ZSCAN25: variants seen among roughly 807,000 people sequenced by gnomAD.
ZSCAN25 encodes zinc finger and SCAN domain-containing protein 25.
ZSCAN25 carries 27 observed loss-of-function variants against 38.7 expected under a neutral mutation model. The observed-to-expected ratio is 0.70, with a 90% CI of 0.51 to 0.96. The LOEUF is 0.96. ZSCAN25 is among the 40% of genes least tolerant of loss of function. The probability of loss-of-function intolerance (pLI) is 0.00; values close to 1 mark genes in which losing one functional copy is unlikely to be tolerated. For missense variants in ZSCAN25, 637 were observed against 705.9 expected, an observed-to-expected ratio of 0.90 and a Z score of 1.11; for synonymous variants, 273 against 277.7, an observed-to-expected ratio of 0.98 and a Z score of 0.17.
chr7:99,688,129 C>T, the ZSCAN25 span, among the ~76,000 whole-genome samples: 1 of 152,154 alleles, frequency 6.6e-6, no homozygotes, highest in South Asian at 2.1e-4. Context: ...AGCAAAATAA[C>T]CAGCTAACAT....
chr7:99,670,366 A>C, the ZSCAN25 span, among the ~76,000 whole-genome samples: 5 of 152,202 alleles, frequency 3.3e-5, no homozygotes, highest in African/African-American at 1.2e-4. Context: ...AAATTATGGC[A>C]AGCTCAAATT....
At chr7:99,665,042 T>A in the ZSCAN25 span, 1 of 944,612 alleles carries the variant, frequency 1.1e-6, no homozygotes, top group African/African-American at 1.7e-5. Flanking sequence ...GTCATACATA[T>A]TTTTGATTAT....
At position 99,630,016 on chromosome 7, in the gene ZSCAN25, A is replaced by G. The variant is rs749506963; in HGVS notation, c.1631A>G (p.Gln544Arg). 6 of 1,548,274 alleles carry G rather than the reference A, an allele frequency of 3.9e-6. 1 individual carries two copies. The South Asian group carries it at 7.3e-5, about 19-fold the overall frequency. The change falls in exon 8 of 8, where the codon CAG (glutamine) becomes CGG (arginine). Residue 544 changes from glutamine to arginine, a missense_variant. Coordinates refer to ENST00000394152, the MANE Select transcript of ZSCAN25 (RefSeq NM_145115.3). ...CAGCACCGCCAGGAGCCGCTGGTGC[A>G]GTGAGCATAGCAGGTGGCAGGCAGC... ...KTQHRQEPLV[Q>R]
downstream of ZSCAN25, among the ~76,000 whole-genome samples, chr7:99,634,667 G>C (rs1424185753): frequency 1.3e-5 from 2 of 152,132 alleles, no homozygotes; most frequent in East Asian, 3.9e-4. Flanking sequence ...CATGGTGGTG[G>C]GCACCTGTAG....
chr7:99,680,090 G>A, the ZSCAN25 span: 1 of 586,928 alleles, frequency 1.7e-6, no homozygotes, highest in South Asian at 2.0e-5. Context: ...ACACCCCTTT[G>A]CTGACCTCTT....
At position 99,620,079 on chromosome 7, in the gene ZSCAN25, G is replaced by T. The variant is rs1049883491; in HGVS notation, c.387+86G>T. 8 of 1,456,574 alleles carry T rather than the reference G, an allele frequency of 5.5e-6. No individual in the cohort carries two copies. In the African/African-American group the frequency reaches 1.1e-4, roughly 21 times the overall value. The allele number at this position is 1,456,574 out of a possible 1,614,324, so 90.2% of individuals were successfully genotyped here. A position where few individuals can be genotyped will look rare whatever the true frequency, so the allele number is the denominator to read the frequency against. On this transcript the variant is annotated intron_variant, in intron 4 of 7. Coordinates refer to ENST00000394152, the MANE Select transcript of ZSCAN25 (RefSeq NM_145115.3). ...CCAAAGATTTGAGGAAGCAGTAGGAGTGGACGAGGTGTGGAGCCGCCCTCC... is the reference window on the plus strand; with the variant it reads ...CCAAAGATTTGAGGAAGCAGTAGGATTGGACGAGGTGTGGAGCCGCCCTCC...
the ZSCAN25 span, among the ~76,000 whole-genome samples, chr7:99,724,000 C>T: frequency 6.6e-6 from 1 of 152,170 alleles, no homozygotes. Context: ...CAAGTACCAC[C>T]TCCCCTGGGT....
At chr7:99,709,169 A>C in the ZSCAN25 span, 9 of 1,614,000 alleles carry the variant, frequency 5.6e-6, no homozygotes, top group Non-Finnish European at 7.6e-6. Flanking sequence ...AGACCCTCTC[A>C]AGTCTCATAG....
At chr7:99,660,414 AT>A in the ZSCAN25 span, 1 of 1,492,400 alleles carries the variant, frequency 6.7e-7, no homozygotes, top group Non-Finnish European at 8.9e-7. Flanking sequence ...TATGCTTTTT[AT>A]AAAAATTCTC....
At chr7:99,664,213 C>T in the ZSCAN25 span, 3 of 917,012 alleles carry the variant, frequency 3.3e-6, no homozygotes, top group Non-Finnish European at 5.0e-6. Context: ...TCAACTGGAA[C>T]CCATTCCTTT....
At chr7:99,645,268 C>A in the ZSCAN25 span, among the ~76,000 whole-genome samples, 1 of 152,156 alleles carries the variant, frequency 6.6e-6, no homozygotes, top group Admixed American at 6.5e-5. Flanking sequence ...GGATTACAGG[C>A]GTGAGCCACT....
chr7:99,718,925 A>G, the ZSCAN25 span, among the ~76,000 whole-genome samples: 3 of 152,338 alleles, frequency 2.0e-5, no homozygotes, highest in East Asian at 3.9e-4. Flanking sequence ...AAAATGAAAT[A>G]CTTTAGCTGT....
chr7:99,678,787 G>T, the ZSCAN25 span, among the ~76,000 whole-genome samples: 235 of 152,340 alleles, frequency 1.5e-3, no homozygotes, highest in African/African-American at 5.2e-3. Flanking sequence ...GAATTAAAAT[G>T]AGGTTTATAG....
the ZSCAN25 span, among the ~76,000 whole-genome samples, chr7:99,686,656 T>C: frequency 6.6e-6 from 1 of 151,806 alleles, no homozygotes; most frequent in Admixed American, 6.6e-5. Flanking sequence ...TTGAAGAGAG[T>C]AGTCATTCTC....
rs1191720924 is a variant in ZSCAN25, at chr7:99,622,594, C to G, written c.635C>G (p.Pro212Arg). 5.6e-6 allele frequency: 9 copies of G among 1,614,148 alleles called. No individual in the cohort carries two copies. Among genetic ancestry groups the G allele is most frequent in the Non-Finnish European group, 7.6e-6 (9 of 1,180,018 alleles). Residue 212 changes from proline (P) to arginine (R), a missense_variant, in exon 6 of 8, where the codon CCC (proline) becomes CGC (arginine). Coordinates refer to ENST00000394152, the MANE Select transcript of ZSCAN25 (RefSeq NM_145115.3). ...QAGPGLPAVNPRDQEMAAGFF... is the reference protein window; with the variant it reads ...QAGPGLPAVNRRDQEMAAGFF... ...GGTCCTGGCCTCCCCGCAGTGAATCCCAGAGACCAAGAGATGGCAGCTGGG... is the reference window on the plus strand; with the variant it reads ...GGTCCTGGCCTCCCCGCAGTGAATCGCAGAGACCAAGAGATGGCAGCTGGG...
At chr7:99,658,911 G>A in the ZSCAN25 span, 1 of 152,066 alleles carries the variant, frequency 6.6e-6, no homozygotes, top group Non-Finnish European at 1.5e-5. Context: ...CGTAGTTCTC[G>A]TGCCATGGTC....
chr7:99,648,260 G>A, the ZSCAN25 span: 1 of 1,595,528 alleles, frequency 6.3e-7, no homozygotes, highest in South Asian at 1.1e-5. Flanking sequence ...TGGTGTTCTG[G>A]GGCACAGCTT....
the ZSCAN25 span, among the ~76,000 whole-genome samples, chr7:99,656,781 G>A: frequency 3.3e-5 from 5 of 152,290 alleles, no homozygotes; most frequent in African/African-American, 9.6e-5. Context: ...TCTATTCAGA[G>A]TTTCAACTTC....
chr7:99,707,672 A>C, the ZSCAN25 span: 2 of 1,399,682 alleles, frequency 1.4e-6, no homozygotes, highest in East Asian at 5.0e-5. Context: ...CTTAAAGATC[A>C]TAGATGGGTC....
Sources: allele counts gnomAD v4.1 joint callset (sites outside exome capture counted in the v4.1 genomes callset), GRCh38; gene constraint gnomAD v4.1.1; transcripts MANE v1.5; gene names NCBI Gene and HGNC (gene_info 2026-07-23, HGNC 2026-07-21).